The following ADARB2 variants were observed in gnomAD, a reference collection of about 807,000 sequenced individuals.
The protein encoded by ADARB2 is inactive double-stranded RNA-specific editase B2.
ADARB2 carries 25 observed loss-of-function variants against 62.2 expected under a neutral mutation model. The observed-to-expected ratio is 0.40, with a 90% CI of 0.29 to 0.56. The LOEUF (loss-of-function observed/expected upper bound fraction) is 0.56, where lower values mean the gene tolerates loss of function less well. Among genes scored for constraint, ADARB2 ranks in the 20% least tolerant of loss-of-function variants. The pLI is 0.43. For missense variants in ADARB2, 1,071 were observed against 1,077.4 expected (o/e 0.99, Z 0.08); for synonymous variants, 572 against 500.8 (o/e 1.14, Z -1.90).
chr10:1,711,735 C>T (rs572133221), intron 1 of ADARB2, among the ~76,000 whole-genome samples: 1 of 152,294 alleles, frequency 6.6e-6, no homozygotes, highest in South Asian at 2.1e-4. Flanking sequence ...TTCTCTTTCC[C>T]ATGAAAATAA....
intron 1 of ADARB2, among the ~76,000 whole-genome samples, chr10:1,614,783 C>T (rs944926036): frequency 3.9e-5 from 6 of 152,158 alleles, no homozygotes; most frequent in East Asian, 1.9e-4. Context: ...TGGTGGCGGG[C>T]ACCTGTAGTC....
intron 1 of ADARB2, among the ~76,000 whole-genome samples, chr10:1,438,363 C>CAGA (rs1330784131): frequency 4.1e-5 from 6 of 144,784 alleles, no homozygotes; most frequent in African/African-American, 1.6e-4. Context: ...TGAGTCTCCT[C>CAGA]AGCAGATGGA....
Position 1,460,006 on chromosome 10 carries a change from C to T in ADARB2, c.101-80846G>A, listed in dbSNP as rs1231557183. On this transcript the variant is annotated intron_variant, in intron 1 of 9. Transcript: ENST00000381312. ...AAACCTGCCTGTGACCTGAGTTTAC[C>T]TGCGTAACAAACCTGCCTGTGACCT... 3.2e-5 allele frequency among the ~76,000 whole-genome samples: 3 copies of T among 95,142 alleles called. 1 individual carries two copies. Among genetic ancestry groups the T allele is most frequent in the South Asian group, 6.5e-4 (2 of 3,098 alleles). The allele number at this position is 95,142 out of a possible 152,430, so 62.4% of individuals were successfully genotyped here.
At chr10:1,712,279 C>G (rs1018084778) in intron 1 of ADARB2, among the ~76,000 whole-genome samples, 1 of 152,134 alleles carries the variant, frequency 6.6e-6, no homozygotes, top group African/African-American at 2.4e-5. Flanking sequence ...TTTATACAAC[C>G]TAGCCTAGCA....
intron 5 of ADARB2, among the ~76,000 whole-genome samples, chr10:1,241,197 T>G (rs1414719971): frequency 1.3e-5 from 2 of 152,110 alleles, no homozygotes; most frequent in African/African-American, 4.8e-5. Context: ...AGGCAGAGGT[T>G]GCAGTGGGCC....
chr10:1,355,043 A>G (rs1419841385), intron 3 of ADARB2, among the ~76,000 whole-genome samples: 7 of 152,010 alleles, frequency 4.6e-5, no homozygotes, highest in Non-Finnish European at 2.9e-5. Context: ...CGAGGCTCCC[A>G]TGTGTTCAGG....
chr10:1,309,146 G>A (rs2131821840), intron 3 of ADARB2, among the ~76,000 whole-genome samples: 1 of 152,312 alleles, frequency 6.6e-6, no homozygotes, highest in South Asian at 2.1e-4. Flanking sequence ...AATGATATTT[G>A]GGACATGTCT....
chr10:1,232,478 G>A (rs535680874), intron 6 of ADARB2, among the ~76,000 whole-genome samples: 53 of 151,160 alleles, frequency 3.5e-4, no homozygotes, highest in African/African-American at 9.0e-4. Flanking sequence ...TATGGCATGC[G>A]TGTAGTGTAC....
At chr10:1,365,008 G>A (rs192741307) in intron 2 of ADARB2, among the ~76,000 whole-genome samples, 67 of 152,000 alleles carry the variant, frequency 4.4e-4, no homozygotes, top group Admixed American at 1.7e-3. Flanking sequence ...GAGTAGCTGG[G>A]ATTACAGGCA....
rs992992135 is a variant in ADARB2 at position 1,178,336 on chromosome 10, C to G, written c.*4857G>C. The G allele has an allele frequency of 1.4e-5, 2 of 143,220 alleles. No individual in the cohort carries two copies. Among genetic ancestry groups the G allele is most frequent in the Non-Finnish European group, 2.9e-5 (2 of 68,030 alleles). The allele number at this position is 143,220 out of a possible 1,614,324, so 8.9% of individuals were successfully genotyped here. A position where few individuals can be genotyped will look rare whatever the true frequency, so the allele number is the denominator to read the frequency against. On this transcript the variant is annotated 3_prime_UTR_variant, in exon 10 of 10. Coordinates refer to ENST00000381312, the MANE Select transcript of ADARB2 (RefSeq NM_018702.4). The stretch of plus-strand genomic sequence containing the variant: ...GAGCGGAGGGTGGTGCTGGCCGCCT[C>G]TCAGGCTTCCCAGAAACAGCCTGAG...
chr10:1,459,752 A>T (rs2820637), intron 1 of ADARB2, among the ~76,000 whole-genome samples: 1 of 152,094 alleles, frequency 6.6e-6, no homozygotes, highest in South Asian at 2.1e-4. Flanking sequence ...CAAGATTGAA[A>T]CTCTGTCTCA....
chr10:1,348,052 GACAGAGACAGAGCGAA>G (rs1000111767), intron 3 of ADARB2, among the ~76,000 whole-genome samples: 5 of 151,916 alleles, frequency 3.3e-5, no homozygotes, highest in African/African-American at 9.7e-5. Flanking sequence ...AGAAGAGGGA[GACAGAGACAGAGCGAA>G]ACAGAGACAG....
intron 4 of ADARB2, among the ~76,000 whole-genome samples, chr10:1,266,394 G>C (rs1415401430): frequency 6.6e-6 from 1 of 152,170 alleles, no homozygotes; most frequent in Non-Finnish European, 1.5e-5. Flanking sequence ...AATGCCTGAG[G>C]GTGGAAGCAT....
chr10:1,556,598 G>A (rs1460463250), intron 1 of ADARB2: 1 of 472,778 alleles, frequency 2.1e-6, no homozygotes. Context: ...GCTTTTTTCT[G>A]TCTCTTTTGC....
rs372637613 is a variant in ADARB2 at position 1,544,371 on chromosome 10, G to A, written c.101-165211C>T. Among the ~76,000 whole-genome samples the A allele has an allele frequency of 7.2e-5, 11 of 152,290 alleles. No individual in the cohort carries two copies. In the East Asian group the frequency reaches 1.5e-3, roughly 21 times the overall value. On this transcript the variant is annotated intron_variant, in intron 1 of 9. Transcript: ENST00000381312. ...TGTTGGGCTGTGTGCCACCTTCGGG[G>A]GCTCTGATGAGCAGCTCCACTCCTT...
At chr10:1,232,541 GTA>G (rs576326272) in intron 6 of ADARB2, among the ~76,000 whole-genome samples, 312 of 149,906 alleles carry the variant, frequency 2.1e-3, no homozygotes, top group African/African-American at 6.7e-3. Context: ...GGTATATGTG[GTA>G]TGTGTGTGTG....
chr10:1,627,549 A>G (rs1052084445), intron 1 of ADARB2, among the ~76,000 whole-genome samples: 1 of 152,182 alleles, frequency 6.6e-6, no homozygotes, highest in Non-Finnish European at 1.5e-5. Context: ...TGAAAACTTC[A>G]TGTAGAAGTT....
rs545539986 is a variant in ADARB2 at position 1,604,926 on chromosome 10, A to G, written c.100+132125T>C. Among the ~76,000 whole-genome samples, 41 of 152,350 alleles carry G rather than the reference A, an allele frequency of 2.7e-4. 1 individual carries two copies. The highest frequency in any genetic ancestry group is 9.9e-4 in the African/African-American group (41 of 41,574). ...ATCATTTCTGCTATGACGGAGATGC[A>G]TACTATAGCCAAAACTCAGAAAAGA... On this transcript the variant is annotated intron_variant, in intron 1 of 9. Transcript: ENST00000381312.
At chr10:1,266,462 G>A (rs1433626276) in intron 4 of ADARB2, among the ~76,000 whole-genome samples, 1 of 151,124 alleles carries the variant, frequency 6.6e-6, no homozygotes, top group African/African-American at 2.4e-5. Context: ...CGCCTGAGAA[G>A]GGTCCAGGGC....
Sources: gnomAD v4.1 joint callset for allele counts (sites outside exome capture counted in the v4.1 genomes callset) on GRCh38, gnomAD v4.1.1 for gene constraint, MANE v1.5 for transcripts, NCBI Gene and HGNC (gene_info 2026-07-23, HGNC 2026-07-21) for gene names.